SRGAP1: variants seen among roughly 807,000 people sequenced by gnomAD.
SRGAP1 encodes SLIT-ROBO Rho GTPase activating protein 1, also known as SLIT-ROBO Rho GTPase-activating protein 1.
Under a neutral mutation model 121.9 loss-of-function variants are expected in SRGAP1, and 43 were observed. The ratio of observed to expected loss-of-function variants is 0.35; its 90% CI spans 0.28 to 0.46. The LOEUF (loss-of-function observed/expected upper bound fraction) is 0.46. Ranked by LOEUF, SRGAP1 falls within the 20% of genes least tolerant of loss-of-function variation. The probability of loss-of-function intolerance (pLI) is 1.00; values close to 1 mark genes in which losing one functional copy is unlikely to be tolerated. For synonymous variants in SRGAP1, 447 were observed against 485.4 expected (o/e 0.92, Z 1.04); for missense variants, 1,102 against 1,350.9 (o/e 0.82, Z 2.89).
intron 6 of SRGAP1, among the ~76,000 whole-genome samples, chr12:64,048,881 C>T (rs1242759122): frequency 6.6e-6 from 1 of 152,082 alleles, no homozygotes; most frequent in Non-Finnish European, 1.5e-5. Context: ...TGTTTGAGCT[C>T]CTTATATGCT....
intron 4 of SRGAP1, chr12:64,032,409 C>T (rs1232202222): frequency 1.0e-5 from 6 of 592,886 alleles, no homozygotes; most frequent in Non-Finnish European, 1.9e-5. Context: ...AACTCTGCCT[C>T]ATCAGTCAGA....
intron 18 of SRGAP1, 101 bp downstream of exon 18, chr12:64,115,994 C>T: frequency 9.0e-7 from 1 of 1,114,512 alleles, no homozygotes; most frequent in Non-Finnish European, 1.3e-6. Flanking sequence ...GTGGCTCCTA[C>T]CTATAATCCC....
intron 3 of SRGAP1, among the ~76,000 whole-genome samples, chr12:63,999,583 A>C (rs553099113): frequency 3.8e-4 from 58 of 152,252 alleles, no homozygotes; most frequent in African/African-American, 1.3e-3. Flanking sequence ...TAGAGGGAGC[A>C]GTCAGAGGTG....
chr12:64,061,520 T>G (rs2035450067), intron 6 of SRGAP1, among the ~76,000 whole-genome samples: 1 of 152,248 alleles, frequency 6.6e-6, no homozygotes, highest in Admixed American at 6.5e-5. Context: ...ATTTTGCCTC[T>G]TTTATGTTTT....
At chr12:64,040,384 A>G (rs146742618) in intron 4 of SRGAP1, among the ~76,000 whole-genome samples, 171 of 152,304 alleles carry the variant, frequency 1.1e-3, no homozygotes, top group African/African-American at 4.0e-3. Context: ...TTATTTCCAT[A>G]TGAAATGAAG....
intron 4 of SRGAP1, among the ~76,000 whole-genome samples, chr12:64,026,325 G>A (rs1317076615): frequency 2.0e-5 from 3 of 152,140 alleles, no homozygotes; most frequent in African/African-American, 7.2e-5. Context: ...AAATATATAT[G>A]ATACTTGCCA....
At chr12:63,870,668 T>C (rs2136276565) in intron 1 of SRGAP1, among the ~76,000 whole-genome samples, 1 of 151,852 alleles carries the variant, frequency 6.6e-6, no homozygotes, top group East Asian at 2.0e-4. Flanking sequence ...ACCTCCTGAG[T>C]AGCTGGGACT....
intron 1 of SRGAP1, among the ~76,000 whole-genome samples, chr12:63,908,166 A>ATT (rs553195857): frequency 6.9e-6 from 1 of 145,280 alleles, no homozygotes; most frequent in African/African-American, 2.5e-5. Flanking sequence ...TCTTTTCAAG[A>ATT]TTTTTTTTTT....
chr12:64,106,649 ATAACT>A (rs1193356995), intron 15 of SRGAP1, among the ~76,000 whole-genome samples: 3 of 152,196 alleles, frequency 2.0e-5, no homozygotes, highest in African/African-American at 7.2e-5. Context: ...GGAAATGTTG[ATAACT>A]TAATTATTGA....
chr12:63,868,050 A>ATTT (rs1899701664), intron 1 of SRGAP1, among the ~76,000 whole-genome samples: 1 of 28,164 alleles, frequency 3.6e-5, no homozygotes, highest in African/African-American at 1.0e-4. Flanking sequence ...ATATATATAT[A>ATTT]TATATATTTT....
intron 3 of SRGAP1, among the ~76,000 whole-genome samples, chr12:64,007,756 T>G (rs1165767001): frequency 6.6e-6 from 1 of 152,192 alleles, no homozygotes; most frequent in Non-Finnish European, 1.5e-5. Context: ...AAAGACCTTC[T>G]AACAGTCTGA....
chr12:63,886,598 G>A (rs764321630), intron 1 of SRGAP1, among the ~76,000 whole-genome samples: 54 of 151,844 alleles, frequency 3.6e-4, no homozygotes, highest in Non-Finnish European at 7.1e-4. Flanking sequence ...TCCCACTTCA[G>A]CCTCCCAAGT....
At chr12:64,013,637 C>T (rs950610161) in intron 3 of SRGAP1, among the ~76,000 whole-genome samples, 36 of 152,166 alleles carry the variant, frequency 2.4e-4, no homozygotes, top group African/African-American at 8.7e-4. Context: ...GAGCCTGCTC[C>T]TCTAGGGCCT....
intron 1 of SRGAP1, among the ~76,000 whole-genome samples, chr12:63,872,279 G>T: frequency 6.6e-6 from 1 of 152,198 alleles, no homozygotes; most frequent in East Asian, 1.9e-4. Flanking sequence ...AGGATCTCAA[G>T]TCAGACAATA....
chr12:64,118,008 C>T (rs2036549486), intron 18 of SRGAP1, among the ~76,000 whole-genome samples: 1 of 152,152 alleles, frequency 6.6e-6, no homozygotes, highest in African/African-American at 2.4e-5. Context: ...TGTCCGTGGA[C>T]ATTTAGGCCA....
intron 1 of SRGAP1, among the ~76,000 whole-genome samples, chr12:63,961,122 TA>T (rs1180165864): frequency 3.3e-5 from 5 of 152,218 alleles, no homozygotes; most frequent in African/African-American, 1.2e-4. Context: ...TGTGCCTAGA[TA>T]AATATAACTT....
chr12:64,116,072 T>C (rs762000941), intron 18 of SRGAP1, 179 bp downstream of exon 18: 6 of 554,258 alleles, frequency 1.1e-5, no homozygotes, highest in South Asian at 2.0e-5. Context: ...CTGTGCAACA[T>C]AGTGAGATCC....
At position 63,884,957 on chromosome 12, in the gene SRGAP1, T is replaced by TG. The variant is rs1565935476; in HGVS notation, c.67+40075dup. 4.6e-5 allele frequency among the ~76,000 whole-genome samples: 7 copies of TG among 152,186 alleles called. No homozygotes were observed. The South Asian group carries it at 1.5e-3, about 32-fold the overall frequency. On this transcript the variant is annotated intron_variant, in intron 1 of 21. Coordinates refer to ENST00000355086, the MANE Select transcript of SRGAP1 (RefSeq NM_020762.4). ...GGATGGCCTCGATCTCCTGACCTCGTGATCCGCCCGCCTCGGCCTCCCAAA... is the reference window on the plus strand; with the variant it reads ...GGATGGCCTCGATCTCCTGACCTCGTGGATCCGCCCGCCTCGGCCTCCCAAA...
Position 64,156,330 on chromosome 12 carries a change from G to T in SRGAP1, c.*13658G>T, listed in dbSNP as rs1456009860. 6.6e-6 allele frequency: 1 copy of T among 152,160 alleles called. No homozygotes were observed. Among genetic ancestry groups the T allele is most frequent in the African/African-American group, 2.4e-5 (1 of 41,424 alleles). 9.4% of individuals were successfully genotyped at this position (152,160 alleles called of 1,614,324 possible). A position where few individuals can be genotyped will look rare whatever the true frequency, so the allele number is the denominator to read the frequency against. ...GTCAGGTGGAGAGAAGGAATTGAAT[G>T]AATATTTTTAATAAATTTGTAGATG... On this transcript the variant is annotated 3_prime_UTR_variant, in exon 22 of 22. Coordinates refer to ENST00000355086, the MANE Select transcript of SRGAP1 (RefSeq NM_020762.4).
Sources: allele counts gnomAD v4.1 joint callset (sites outside exome capture counted in the v4.1 genomes callset), GRCh38; gene constraint gnomAD v4.1.1; transcripts MANE v1.5; gene names NCBI Gene and HGNC (gene_info 2026-07-23, HGNC 2026-07-21).